FGF12: variants seen among roughly 807,000 people sequenced by gnomAD.
The protein encoded by FGF12 is fibroblast growth factor 12B.
Under a neutral mutation model 23.6 loss-of-function variants are expected in FGF12, and 14 were observed. The observed-to-expected ratio is 0.59, with a 90% CI of 0.39 to 0.93. FGF12 has a LOEUF of 0.93. Ranked by LOEUF, FGF12 falls within the 40% of genes least tolerant of loss-of-function variation. FGF12 has a pLI of 0.00. For missense variants in FGF12, 175 were observed against 217.8 expected (o/e 0.80, Z 1.24); for synonymous variants, 62 against 77.3 (o/e 0.80, Z 1.04).
At chr3:192,432,719 C>T (rs992775840) in intron 2 of FGF12, among the ~76,000 whole-genome samples, 12 of 151,940 alleles carry the variant, frequency 7.9e-5, no homozygotes, top group South Asian at 6.3e-4. Context: ...GCCAGCAGCC[C>T]GAAAGAACTT....
At chr3:192,506,023 G>A (rs1466479489) in intron 2 of FGF12, among the ~76,000 whole-genome samples, 5 of 152,222 alleles carry the variant, frequency 3.3e-5, no homozygotes, top group Admixed American at 3.3e-4. Flanking sequence ...TGTTCACTTT[G>A]GGGTGGAGGC....
At chr3:192,520,230 C>A (rs1353285507) in intron 2 of FGF12, among the ~76,000 whole-genome samples, 1 of 151,828 alleles carries the variant, frequency 6.6e-6, no homozygotes, top group East Asian at 1.9e-4. Flanking sequence ...TCATGTAGAG[C>A]TAGAGATAGA....
At chr3:192,340,189 G>A (rs771909470) in intron 3 of FGF12, among the ~76,000 whole-genome samples, 3 of 151,906 alleles carry the variant, frequency 2.0e-5, no homozygotes, top group Admixed American at 6.6e-5. Context: ...CCTGACATGC[G>A]TGAAATGACA....
At chr3:192,253,875 C>T (rs1191179823) in intron 4 of FGF12, among the ~76,000 whole-genome samples, 1 of 151,864 alleles carries the variant, frequency 6.6e-6, no homozygotes, top group African/African-American at 2.4e-5. Context: ...TTTGTAAAAC[C>T]ACCACAGTAT....
chr3:192,170,776 G>A (rs1715513805), intron 4 of FGF12, 120 bp from the exon 5 acceptor site: 2 of 819,866 alleles, frequency 2.4e-6, no homozygotes, highest in Admixed American at 2.8e-5. Flanking sequence ...GAAAGGCAAT[G>A]ACACATAGTT....
rs1375521000 is a variant in FGF12 at position 192,140,642 on chromosome 3, G to A, written c.*3367C>T. The A allele has an allele frequency of 1.3e-5, 2 of 151,962 alleles. No individual in the cohort carries two copies. The highest frequency in any genetic ancestry group is 2.4e-5 in the African/African-American group (1 of 41,412). 9.4% of individuals were successfully genotyped at this position (151,962 alleles called of 1,614,324 possible). On this transcript the variant is annotated 3_prime_UTR_variant, in exon 6 of 6. Coordinates refer to ENST00000445105, the MANE Select transcript of FGF12 (RefSeq NM_004113.6). ...GGACTACCAATCTAGATATTAGATTGTTGCTATTTTATTAAACAGAAGAGT... is the reference window on the plus strand; with the variant it reads ...GGACTACCAATCTAGATATTAGATTATTGCTATTTTATTAAACAGAAGAGT...
intron 4 of FGF12, among the ~76,000 whole-genome samples, chr3:192,293,989 G>A (rs1247769475): frequency 6.6e-6 from 1 of 152,052 alleles, no homozygotes; most frequent in Non-Finnish European, 1.5e-5. Context: ...GTTGTGGGAG[G>A]CACCTGGTGG....
intron 2 of FGF12, among the ~76,000 whole-genome samples, chr3:192,692,019 A>G (rs533746107): frequency 6.6e-6 from 1 of 152,318 alleles, no homozygotes; most frequent in African/African-American, 2.4e-5. Flanking sequence ...TAATGTAGTA[A>G]TTAAAAACCT....
Position 192,239,085 on chromosome 3 carries a change from G to A in FGF12, c.229-68429C>T, listed in dbSNP as rs114114785. Among the ~76,000 whole-genome samples, 102 of 152,256 alleles carry A rather than the reference G, an allele frequency of 6.7e-4. No individual in the cohort carries two copies. In the Middle Eastern group the frequency reaches 0.01, roughly 15 times the overall value. On this transcript the variant is annotated intron_variant, in intron 4 of 5. Coordinates refer to ENST00000445105, the MANE Select transcript of FGF12 (RefSeq NM_004113.6). ...AACTTTTCCTAGTCTTCATACTTAC[G>A]AAAAGACATGAGGTCTATGTGTAAC... is the stretch of plus-strand genomic sequence containing the variant.
chr3:192,666,438 A>T (rs904191043), intron 2 of FGF12, among the ~76,000 whole-genome samples: 1 of 152,212 alleles, frequency 6.6e-6, no homozygotes, highest in Non-Finnish European at 1.5e-5. Context: ...ATTTTTCCAG[A>T]TGTAAGTTAA....
intron 2 of FGF12, among the ~76,000 whole-genome samples, chr3:192,453,850 A>G (rs1327596198): frequency 1.3e-5 from 2 of 152,180 alleles, no homozygotes; most frequent in Admixed American, 1.3e-4. Context: ...AATTTAACTA[A>G]TCTGGGTTTA....
chr3:192,299,353 G>A, intron 4 of FGF12, among the ~76,000 whole-genome samples: 1 of 152,110 alleles, frequency 6.6e-6, no homozygotes, highest in African/African-American at 2.4e-5. Context: ...GGATGAGATT[G>A]GCCTGTGATT....
intron 2 of FGF12, among the ~76,000 whole-genome samples, chr3:192,379,270 G>A (rs1719710483): frequency 6.6e-6 from 1 of 152,098 alleles, no homozygotes; most frequent in African/African-American, 2.4e-5. Context: ...AAATACATGT[G>A]TATATGACTA....
At chr3:192,616,733 A>G (rs571752500) in intron 2 of FGF12, among the ~76,000 whole-genome samples, 1 of 152,098 alleles carries the variant, frequency 6.6e-6, no homozygotes, top group African/African-American at 2.4e-5. Flanking sequence ...CTACGGCATT[A>G]TGTACACCCT....
At chr3:192,433,153 C>G (rs12107449) in intron 2 of FGF12, among the ~76,000 whole-genome samples, 73,186 of 151,966 alleles carry the variant, frequency 0.48, 17,947 homozygotes, top group South Asian at 0.56. Flanking sequence ...TTTGAGGGCA[C>G]CCCCAGGGAC....
chr3:192,628,396 G>C (rs1227245532), intron 2 of FGF12, among the ~76,000 whole-genome samples: 1 of 149,270 alleles, frequency 6.7e-6, no homozygotes, highest in Non-Finnish European at 1.5e-5. Context: ...CTGCCAAATT[G>C]TTTTTTCCAG....
At chr3:192,478,613 T>G (rs1723394657) in intron 2 of FGF12, among the ~76,000 whole-genome samples, 1 of 152,206 alleles carries the variant, frequency 6.6e-6, no homozygotes, top group Admixed American at 6.5e-5. Flanking sequence ...GTAAATATTT[T>G]GATCATCTAT....
intron 4 of FGF12, among the ~76,000 whole-genome samples, chr3:192,178,130 T>G (rs954505548): frequency 6.6e-6 from 1 of 152,198 alleles, no homozygotes; most frequent in African/African-American, 2.4e-5. Flanking sequence ...TCTTTCTTTC[T>G]TAGGCTCTCA....
chr3:192,357,832 G>C (rs2108729862), intron 3 of FGF12, among the ~76,000 whole-genome samples: 1 of 152,304 alleles, frequency 6.6e-6, no homozygotes, highest in East Asian at 1.9e-4. Flanking sequence ...AAGGTGAGAA[G>C]TGTAATTTTT....
Sources: gnomAD v4.1 joint callset for allele counts (sites outside exome capture counted in the v4.1 genomes callset) on GRCh38, gnomAD v4.1.1 for gene constraint, MANE v1.5 for transcripts, NCBI Gene and HGNC (gene_info 2026-07-23, HGNC 2026-07-21) for gene names.